Variants in CDH4 observed in about 807,000 individuals in gnomAD.
The protein encoded by CDH4 is cadherin 4.
In CDH4, 33 loss-of-function variants were observed where a neutral mutation model predicts 86.0. That is an observed-to-expected ratio of 0.38 (90% CI 0.29 to 0.51). The LOEUF (loss-of-function observed/expected upper bound fraction) is 0.51, where lower values mean the gene tolerates loss of function less well. Among genes scored for constraint, CDH4 ranks in the 20% least tolerant of loss-of-function variants. The pLI is 0.86. For synonymous variants in CDH4, 555 were observed against 549.4 expected (o/e 1.01, Z -0.14); for missense variants, 1,114 against 1,307.4 (o/e 0.85, Z 2.28).
chr20:61,774,744 C>G (rs577247135), intron 4 of CDH4, among the ~76,000 whole-genome samples: 1 of 152,276 alleles, frequency 6.6e-6, no homozygotes, highest in Admixed American at 6.5e-5. Flanking sequence ...TCTCATCATT[C>G]AGCTCCCACT....
chr20:61,451,127 C>CCA (rs1366240634), intron 2 of CDH4, among the ~76,000 whole-genome samples: 1 of 105,976 alleles, frequency 9.4e-6, no homozygotes, highest in African/African-American at 3.4e-5. Context: ...CTCACGCCCC[C>CCA]CCCCTTCCCT....
At position 61,894,927 on chromosome 20, in the gene CDH4, A is replaced by T; in HGVS notation, c.1068A>T (p.Thr356=). The change falls in exon 8 of 16, where the codon ACA becomes ACT. Residue 356 remains threonine, a synonymous_variant. Coordinates refer to ENST00000614565, the MANE Select transcript of CDH4 (RefSeq NM_001794.5). ...GLDREKVQQY[T]VIVQATDMEG... is the part of the protein sequence containing the mutation. ...CCTTCCAGAAAGTTCAGCAGTACAC[A>T]GTCATCGTTCAGGCCACAGATATGG... 5 of 1,613,822 alleles carry T rather than the reference A, an allele frequency of 3.1e-6. No individual in the cohort carries two copies. The highest frequency in any genetic ancestry group is 3.4e-6 in the Non-Finnish European group (4 of 1,179,920).
intron 2 of CDH4, among the ~76,000 whole-genome samples, chr20:61,375,600 CATAGCACTGGT>C (rs2084863171): frequency 4.2e-5 from 2 of 47,766 alleles, no homozygotes; most frequent in Non-Finnish European, 7.6e-5. Context: ...TGGTGGTGGT[CATAGCACTGGT>C]GGTGATGGTA....
At chr20:61,841,881 ATC>A (rs1440240613) in intron 4 of CDH4, among the ~76,000 whole-genome samples, 2 of 152,116 alleles carry the variant, frequency 1.3e-5, no homozygotes, top group East Asian at 3.9e-4. Flanking sequence ...TGGAAACAGC[ATC>A]TCCCTCTTCC....
chr20:61,459,661 TG>T (rs1229020796), intron 2 of CDH4, among the ~76,000 whole-genome samples: 1 of 151,610 alleles, frequency 6.6e-6, no homozygotes, highest in Non-Finnish European at 1.5e-5. Flanking sequence ...GGCTGACCTG[TG>T]GTCCAGGGAC....
chr20:61,701,601 A>G (rs548702283), intron 2 of CDH4, among the ~76,000 whole-genome samples: 1 of 152,330 alleles, frequency 6.6e-6, no homozygotes, highest in Non-Finnish European at 1.5e-5. Flanking sequence ...GGTGCCTTCC[A>G]GCCAGCACAG....
chr20:61,257,241 GCTCA>G (rs2084103661), intron 2 of CDH4, among the ~76,000 whole-genome samples: 1 of 152,212 alleles, frequency 6.6e-6, no homozygotes, highest in South Asian at 2.1e-4. Context: ...GCCTGAGTCA[GCTCA>G]CAGCAGCCCC....
intron 2 of CDH4, among the ~76,000 whole-genome samples, chr20:61,267,249 C>A (rs948050529): frequency 6.6e-6 from 1 of 152,236 alleles, no homozygotes; most frequent in Non-Finnish European, 1.5e-5. Flanking sequence ...ACCCACTGAA[C>A]TGGGAATCCT....
chr20:61,605,962 C>T (rs1047853710), intron 2 of CDH4, among the ~76,000 whole-genome samples: 6 of 151,674 alleles, frequency 4.0e-5, no homozygotes, highest in African/African-American at 1.5e-4. Flanking sequence ...GCATGATTTG[C>T]CCCTGGGATG....
intron 2 of CDH4, among the ~76,000 whole-genome samples, chr20:61,260,333 C>T (rs949180901): frequency 1.3e-5 from 2 of 152,226 alleles, no homozygotes; most frequent in Non-Finnish European, 2.9e-5. Flanking sequence ...TGAACAGTCA[C>T]TACTCCACGC....
At chr20:61,461,552 C>G (rs1568853520) in intron 2 of CDH4, among the ~76,000 whole-genome samples, 1 of 152,104 alleles carries the variant, frequency 6.6e-6, no homozygotes, top group African/African-American at 2.4e-5. Flanking sequence ...GTGACTTACT[C>G]CTGAGTCCAG....
At chr20:61,265,361 C>A (rs2084152428) in intron 2 of CDH4, among the ~76,000 whole-genome samples, 1 of 152,202 alleles carries the variant, frequency 6.6e-6, no homozygotes, top group African/African-American at 2.4e-5. Flanking sequence ...GTGGCTCCTT[C>A]ATTCAATCTT....
chr20:61,558,314 A>G (rs551967722), intron 2 of CDH4, among the ~76,000 whole-genome samples: 1 of 152,046 alleles, frequency 6.6e-6, no homozygotes, highest in African/African-American at 2.4e-5. Flanking sequence ...TCCTTTCAAA[A>G]TCCTCATGTT....
intron 2 of CDH4, among the ~76,000 whole-genome samples, chr20:61,364,846 G>A (rs1374482652): frequency 1.3e-5 from 2 of 152,150 alleles, no homozygotes; most frequent in Non-Finnish European, 2.9e-5. Flanking sequence ...TTCACAGTGC[G>A]GCCCCCGACG....
chr20:61,275,604 A>AGAGTACCATGCGCAGTTTGGGG (rs1568777874), intron 2 of CDH4, among the ~76,000 whole-genome samples: 9 of 48,694 alleles, frequency 1.8e-4, no homozygotes, highest in Non-Finnish European at 2.3e-4. Flanking sequence ...GCAGTTTGGG[A>AGAGTACCATGCGCAGTTTGGGG]GAGTACCATG....
In CDH4 at chr20:61,709,201, G is replaced by A. The variant is rs1393426606; in HGVS notation, c.170-34362G>A. 6.6e-6 allele frequency among the ~76,000 whole-genome samples: 1 copy of A among 152,368 alleles called. No individual in the cohort carries two copies. Among genetic ancestry groups the A allele is most frequent in the East Asian group, 1.9e-4 (1 of 5,188 alleles). On this transcript the variant is annotated intron_variant, in intron 2 of 15. Transcript: ENST00000614565. The surrounding 1 kb of genome is among the most constrained non-coding windows in gnomAD (Gnocchi z 4.8). ...GTGCAAGCAAATGCAGGAAACTGGG[G>A]CCAGGCTGGGCCACTGTCAGGGGTT...
chr20:61,420,856 T>A (rs756650020), intron 2 of CDH4, among the ~76,000 whole-genome samples: 1 of 151,114 alleles, frequency 6.6e-6, no homozygotes, highest in Non-Finnish European at 1.5e-5. Flanking sequence ...GGCCCAGGTG[T>A]CCACGCACAG....
At chr20:61,919,496 T>C (rs914467943) in intron 9 of CDH4, among the ~76,000 whole-genome samples, 6 of 152,250 alleles carry the variant, frequency 3.9e-5, no homozygotes, top group Non-Finnish European at 8.8e-5. Context: ...CGCTCCACTG[T>C]AGACAGTGCC....
chr20:61,316,054 A>G (rs2084474720), intron 2 of CDH4, among the ~76,000 whole-genome samples: 1 of 152,084 alleles, frequency 6.6e-6, no homozygotes, highest in South Asian at 2.1e-4. Context: ...AGGGGGAGGA[A>G]GGATTTGGCA....
Sources: allele counts gnomAD v4.1 joint callset (sites outside exome capture counted in the v4.1 genomes callset), GRCh38; gene constraint gnomAD v4.1.1; non-coding constraint Gnocchi (gnomAD v3.1); transcripts MANE v1.5; gene names NCBI Gene and HGNC (gene_info 2026-07-23, HGNC 2026-07-21).